Variants in SOX5 observed in about 807,000 individuals in gnomAD.
The protein encoded by SOX5 is SRY-box transcription factor 5, also known as transcription factor SOX-5.
SOX5 carries 9 observed loss-of-function variants against 92.0 expected under a neutral mutation model. The observed-to-expected ratio is 0.10, with a 90% CI of 0.06 to 0.17. The LOEUF (loss-of-function observed/expected upper bound fraction) is 0.17. Ranked by LOEUF, SOX5 falls within the 10% of genes least tolerant of loss-of-function variation. The probability of loss-of-function intolerance (pLI) is 1.00; values close to 1 mark genes in which losing one functional copy is unlikely to be tolerated. For missense variants in SOX5, 642 were observed against 944.5 expected (o/e 0.68, Z 4.20); for synonymous variants, 344 against 336.3 (o/e 1.02, Z -0.25).
At chr12:24,224,337 TTTTC>T (rs1343408546) in intron 3 of SOX5, among the ~76,000 whole-genome samples, 3 of 152,156 alleles carry the variant, frequency 2.0e-5, no homozygotes, top group Non-Finnish European at 2.9e-5. Flanking sequence ...TTTTTTCTTT[TTTTC>T]TTTCTTTTTT....
intron 2 of SOX5, among the ~76,000 whole-genome samples, chr12:24,343,173 C>G (rs1301369184): frequency 1.3e-5 from 2 of 152,156 alleles, no homozygotes; most frequent in Non-Finnish European, 2.9e-5. Flanking sequence ...TCCTAGAAGT[C>G]CAGGTTGGCT....
chr12:23,670,677 A>C (rs2084627861), intron 6 of SOX5, among the ~76,000 whole-genome samples: 1 of 151,992 alleles, frequency 6.6e-6, no homozygotes, highest in South Asian at 2.1e-4. Flanking sequence ...CAGGCCTGAC[A>C]GAAGAAATTT....
chr12:24,210,973 T>C (rs1958546767), intron 4 of SOX5, among the ~76,000 whole-genome samples: 1 of 152,218 alleles, frequency 6.6e-6, no homozygotes, highest in Non-Finnish European at 1.5e-5. Flanking sequence ...ATTCCTTTAA[T>C]GATCTCCATC....
intron 3 of SOX5, among the ~76,000 whole-genome samples, chr12:24,214,388 T>C (rs1958998666): frequency 1.3e-5 from 2 of 152,148 alleles, no homozygotes; most frequent in Non-Finnish European, 2.9e-5. Flanking sequence ...AATGGCTTCA[T>C]AAGCTTGTCA....
intron 11 of SOX5, among the ~76,000 whole-genome samples, chr12:23,549,464 C>T (rs1011672739): frequency 1.3e-5 from 2 of 151,874 alleles, no homozygotes; most frequent in Non-Finnish European, 1.5e-5. Context: ...TAAAGGTCAC[C>T]ATTCTGGAAC....
At chr12:24,397,583 T>C (rs949661088) in intron 1 of SOX5, among the ~76,000 whole-genome samples, 9 of 152,098 alleles carry the variant, frequency 5.9e-5, no homozygotes, top group Admixed American at 4.6e-4. Context: ...GATATATGTG[T>C]ATTGTAGAGG....
intron 4 of SOX5, among the ~76,000 whole-genome samples, chr12:24,087,154 T>G (rs764875463): frequency 3.3e-5 from 5 of 152,022 alleles, no homozygotes; most frequent in Non-Finnish European, 5.9e-5. Flanking sequence ...TTATCAAGTG[T>G]GTGTTCTCTG....
chr12:24,141,158 T>C (rs1950546924), intron 4 of SOX5, among the ~76,000 whole-genome samples: 1 of 152,158 alleles, frequency 6.6e-6, no homozygotes, highest in Non-Finnish European at 1.5e-5. Flanking sequence ...CCTCTCTTCA[T>C]GGCTAAAAAA....
intron 3 of SOX5, among the ~76,000 whole-genome samples, chr12:23,841,224 C>T (rs1375771136): frequency 6.6e-6 from 1 of 152,058 alleles, no homozygotes; most frequent in Non-Finnish European, 1.5e-5. Flanking sequence ...CTGAACATTT[C>T]TTAAAATTAG....
At chr12:24,102,396 C>T (rs1474360092) in intron 4 of SOX5, among the ~76,000 whole-genome samples, 1 of 152,182 alleles carries the variant, frequency 6.6e-6, no homozygotes, top group Non-Finnish European at 1.5e-5. Flanking sequence ...CTTCAGCCGA[C>T]AGCAGCATGA....
intron 3 of SOX5, among the ~76,000 whole-genome samples, chr12:23,772,804 A>G (rs1333335082): frequency 6.6e-6 from 1 of 152,252 alleles, no homozygotes; most frequent in African/African-American, 2.4e-5. Context: ...TATACTAAAT[A>G]CGTTTAGGTG....
chr12:24,426,192 T>C (rs1966734823), intron 1 of SOX5, among the ~76,000 whole-genome samples: 1 of 151,676 alleles, frequency 6.6e-6, no homozygotes, highest in African/African-American at 2.4e-5. Context: ...AGAGCAAGAC[T>C]CTTGTCTCAA....
At chr12:24,161,102 G>A (rs372927453) in intron 4 of SOX5, among the ~76,000 whole-genome samples, 7 of 152,026 alleles carry the variant, frequency 4.6e-5, no homozygotes, top group South Asian at 2.1e-4. Flanking sequence ...ATGTTCCTAC[G>A]CTGAGGTATT....
intron 9 of SOX5, among the ~76,000 whole-genome samples, chr12:23,595,206 A>C (rs1952174136): frequency 6.6e-6 from 1 of 152,182 alleles, no homozygotes; most frequent in Non-Finnish European, 1.5e-5. Context: ...GCTATAGAAC[A>C]CTAAAAAGGG....
At chr12:23,902,683 G>A (rs528215180) in intron 1 of SOX5, among the ~76,000 whole-genome samples, 6 of 152,066 alleles carry the variant, frequency 3.9e-5, no homozygotes, top group South Asian at 2.1e-4. Flanking sequence ...ATCATGTAGC[G>A]TGTCTTTCAT....
At chr12:23,860,151 A>T (rs186054194) in intron 2 of SOX5, among the ~76,000 whole-genome samples, 113 of 152,212 alleles carry the variant, frequency 7.4e-4, no homozygotes, top group African/African-American at 2.6e-3. Context: ...TCTTGGGGGG[A>T]AACGGTGGGA....
chr12:23,984,320 A>G (rs1949864063), intron 4 of SOX5, among the ~76,000 whole-genome samples: 1 of 152,214 alleles, frequency 6.6e-6, no homozygotes. Flanking sequence ...AGGGCCTACA[A>G]GAAGCACAAA....
At chr12:23,618,121 C>T (rs2076784848) in intron 8 of SOX5, among the ~76,000 whole-genome samples, 1 of 152,152 alleles carries the variant, frequency 6.6e-6, no homozygotes, top group Non-Finnish European at 1.5e-5. Flanking sequence ...GTAAGAAGGA[C>T]ACTGGCTGGA....
At chr12:23,629,059 T>G (rs886421459) in intron 8 of SOX5, among the ~76,000 whole-genome samples, 2 of 152,048 alleles carry the variant, frequency 1.3e-5, no homozygotes, top group African/African-American at 4.8e-5. Flanking sequence ...ACTTTGAACC[T>G]TCTATGTACA....
Sources: gnomAD v4.1 joint callset for allele counts (sites outside exome capture counted in the v4.1 genomes callset) on GRCh38, gnomAD v4.1.1 for gene constraint, MANE v1.5 for transcripts, NCBI Gene and HGNC (gene_info 2026-07-23, HGNC 2026-07-21) for gene names.